The following IL1RAP variants were observed in gnomAD, a reference collection of about 807,000 sequenced individuals.
IL1RAP encodes interleukin 1 receptor accessory protein, also known as interleukin-1 receptor accessory protein.
Under a neutral mutation model 60.7 loss-of-function variants are expected in IL1RAP, and 35 were observed. That is an observed-to-expected ratio of 0.58 (90% CI 0.44 to 0.76). The LOEUF (loss-of-function observed/expected upper bound fraction) is 0.76. IL1RAP is among the 30% of genes least tolerant of loss of function. IL1RAP has a pLI of 0.00. For synonymous variants in IL1RAP, 268 were observed against 250.9 expected (o/e 1.07, Z -0.64); for missense variants, 572 against 693.9 (o/e 0.82, Z 1.97).
intron 3 of IL1RAP, among the ~76,000 whole-genome samples, chr3:190,598,944 G>C (rs1036137477): frequency 1.3e-5 from 2 of 152,076 alleles, no homozygotes; most frequent in African/African-American, 2.4e-5. Context: ...GTTATTAACT[G>C]CATTGCTTTT....
intron 9 of IL1RAP, among the ~76,000 whole-genome samples, chr3:190,639,145 G>A (rs1733459237): frequency 6.6e-6 from 1 of 152,144 alleles, no homozygotes; most frequent in South Asian, 2.1e-4. Context: ...AAACTTCTCA[G>A]TTCTATGTGT....
At chr3:190,580,977 C>T (rs180883400) in intron 3 of IL1RAP, among the ~76,000 whole-genome samples, 1 of 152,172 alleles carries the variant, frequency 6.6e-6, no homozygotes, top group Admixed American at 6.5e-5. Flanking sequence ...GTATGTCAAT[C>T]ATACCTCAGT....
In IL1RAP at chr3:190,651,070, G is replaced by T; in HGVS notation, c.*2365G>T. 1 of 984,520 alleles carries T rather than the reference G, an allele frequency of 1.0e-6. No homozygotes were observed. The highest frequency in any genetic ancestry group is 1.7e-5 in the African/African-American group (1 of 57,260). The allele number at this position is 984,520 out of a possible 1,614,324, so 61.0% of individuals were successfully genotyped here. ...ATCATTGCAAGAGAATTTGTTTCAA[G>T]ATTTTTTTTTAATGTTCCAGAAGAT... On this transcript the variant is annotated 3_prime_UTR_variant, in exon 12 of 12. Transcript: ENST00000447382.
At chr3:190,555,966 ATCT>A (rs1725390957) in intron 1 of IL1RAP, 161 bp from the exon 2 acceptor site, 2 of 149,810 alleles carry the variant, frequency 1.3e-5, no homozygotes, top group South Asian at 2.1e-4. Flanking sequence ...CTATCTATCT[ATCT>A]ATCTATCTTC....
intron 3 of IL1RAP, among the ~76,000 whole-genome samples, chr3:190,590,712 G>A (rs942637925): frequency 4.6e-5 from 7 of 152,138 alleles, no homozygotes; most frequent in African/African-American, 1.7e-4. Flanking sequence ...CACATGCAGC[G>A]TTATCTTTTT....
At chr3:190,590,442 A>G (rs908375402) in intron 3 of IL1RAP, among the ~76,000 whole-genome samples, 2 of 151,916 alleles carry the variant, frequency 1.3e-5, no homozygotes, top group African/African-American at 4.8e-5. Flanking sequence ...TTTAGTAGAG[A>G]TGGGGTTTCA....
At chr3:190,590,474 C>T (rs1475993335) in intron 3 of IL1RAP, among the ~76,000 whole-genome samples, 3 of 152,198 alleles carry the variant, frequency 2.0e-5, no homozygotes, top group South Asian at 2.1e-4. Context: ...AAGCCGGTCG[C>T]GAACTCCTGA....
chr3:190,522,387 G>A (rs1448103838), intron 1 of IL1RAP, among the ~76,000 whole-genome samples: 3 of 140,734 alleles, frequency 2.1e-5, no homozygotes, highest in Admixed American at 7.5e-5. Flanking sequence ...TATTATCTAT[G>A]TATCTTTCTA....
At chr3:190,529,572 C>T (rs1346309370) in intron 1 of IL1RAP, among the ~76,000 whole-genome samples, 1 of 151,968 alleles carries the variant, frequency 6.6e-6, no homozygotes, top group Admixed American at 6.6e-5. Context: ...GTACTCCCAG[C>T]TCCTTGGGAG....
chr3:190,627,279 GTTTTGT>G (rs1732379129), intron 7 of IL1RAP, 38 bp from the exon 8 acceptor site: 1 of 1,439,408 alleles, frequency 6.9e-7, no homozygotes, highest in Non-Finnish European at 9.3e-7. Context: ...GTTTTGTTTT[GTTTTGT>G]TTTTTGTTTT....
intron 3 of IL1RAP, among the ~76,000 whole-genome samples, chr3:190,597,783 G>A (rs942154581): frequency 5.9e-5 from 9 of 152,268 alleles, no homozygotes; most frequent in South Asian, 2.1e-4. Flanking sequence ...TATGCTTGCC[G>A]TTAAAATGTT....
chr3:190,648,273 C>G, intron 11 of IL1RAP, 65 bp from the exon 12 acceptor site: 2 of 1,521,306 alleles, frequency 1.3e-6, no homozygotes, highest in South Asian at 1.3e-5. Flanking sequence ...ATTTGCTCCT[C>G]AAGCCTCAAT....
downstream of IL1RAP, chr3:190,655,833 C>A: frequency 7.8e-7 from 1 of 1,281,860 alleles, no homozygotes; most frequent in South Asian, 1.3e-5. Context: ...CAATAACGAA[C>A]TGGAATATAT....
downstream of IL1RAP, among the ~76,000 whole-genome samples, chr3:190,652,764 T>G (rs532624931): frequency 2.0e-5 from 3 of 152,278 alleles, no homozygotes; most frequent in South Asian, 6.2e-4. Context: ...GTATATGAGT[T>G]TTTTGCACTG....
chr3:190,564,874 AG>A (rs1359674223), intron 3 of IL1RAP, among the ~76,000 whole-genome samples: 1 of 152,180 alleles, frequency 6.6e-6, no homozygotes, highest in East Asian at 1.9e-4. Flanking sequence ...ACCTTTATAG[AG>A]TTTGAAAACC....
chr3:190,544,011 T>C (rs1207749628), intron 1 of IL1RAP, among the ~76,000 whole-genome samples: 4 of 152,190 alleles, frequency 2.6e-5, no homozygotes, highest in African/African-American at 9.7e-5. Flanking sequence ...CAGGCTGTTT[T>C]TTATATATTA....
intron 9 of IL1RAP, among the ~76,000 whole-genome samples, chr3:190,637,451 A>G (rs762905060): frequency 1.2e-4 from 18 of 152,142 alleles, no homozygotes; most frequent in Admixed American, 3.9e-4. Context: ...TACCATTAAC[A>G]TTGGTTATCT....
At chr3:190,554,938 T>C (rs373818420) in intron 1 of IL1RAP, among the ~76,000 whole-genome samples, 2 of 152,346 alleles carry the variant, frequency 1.3e-5, no homozygotes, top group East Asian at 3.9e-4. Flanking sequence ...ACAGGTTTTG[T>C]AGAGAAATCT....
downstream of IL1RAP, among the ~76,000 whole-genome samples, chr3:190,654,237 A>T (rs1184988546): frequency 1.0e-5 from 1 of 100,442 alleles, no homozygotes; most frequent in Non-Finnish European, 2.0e-5. Context: ...CACAATTTGC[A>T]TGAGTTCTCT....
Sources: allele counts gnomAD v4.1 joint callset (sites outside exome capture counted in the v4.1 genomes callset), GRCh38; gene constraint gnomAD v4.1.1; transcripts MANE v1.5; gene names NCBI Gene and HGNC (gene_info 2026-07-23, HGNC 2026-07-21).